Variants in RHPN2 observed in about 807,000 individuals in gnomAD.
RHPN2 encodes the protein rhophilin-2.
Under a neutral mutation model 79.0 loss-of-function variants are expected in RHPN2, and 40 were observed. The ratio of observed to expected loss-of-function variants is 0.51; its 90% confidence interval spans 0.39 to 0.66. The LOEUF (loss-of-function observed/expected upper bound fraction) is 0.66. RHPN2 is among the 30% of genes least tolerant of loss of function. RHPN2 has a pLI of 0.00. For missense variants in RHPN2, 686 were observed against 883.5 expected, an observed-to-expected ratio of 0.78 and a Z score of 2.83; for synonymous variants, 285 against 363.5, an observed-to-expected ratio of 0.78 and a Z score of 2.46.
intron 2 of RHPN2, among the ~76,000 whole-genome samples, chr19:33,032,762 A>G (rs1972023628): frequency 6.6e-6 from 1 of 152,158 alleles, no homozygotes; most frequent in African/African-American, 2.4e-5. Context: ...CCCATCCCTC[A>G]GTATCAGGAA....
rs966303893 is a variant in RHPN2, at chr19:33,011,686, A to G, written c.586T>C (p.Phe196Leu). Residue 196 changes from phenylalanine (F) to leucine (L), a missense_variant, in exon 6 of 15, where the codon TTC becomes CTC. Physicochemically the swap from Phe to Leu is conservative, Grantham distance 22 (BLOSUM62 0). Coordinates refer to ENST00000254260, the MANE Select transcript of RHPN2 (RefSeq NM_033103.5). ...CAGACCTCAAGCACCTACCAGGTGAACAGGAGTCCCATCTGCCGTGTGGGC... is the reference window on the plus strand; with the variant it reads ...CAGACCTCAAGCACCTACCAGGTGAGCAGGAGTCCCATCTGCCGTGTGGGC... ...FPPTRQMGLL[F>L]TWYDSLTGVP... The G allele has an allele frequency of 6.2e-7, 1 of 1,613,878 alleles. No individual in the cohort carries two copies. The highest frequency in any genetic ancestry group is 8.5e-7 in the Non-Finnish European group (1 of 1,179,872).
At chr19:33,045,599 G>A (rs1972136102) in intron 1 of RHPN2, among the ~76,000 whole-genome samples, 1 of 151,368 alleles carries the variant, frequency 6.6e-6, no homozygotes, top group Non-Finnish European at 1.5e-5. Context: ...TCAGCCTCCC[G>A]AGTAGCTGGA....
intron 6 of RHPN2, among the ~76,000 whole-genome samples, chr19:33,009,829 A>G (rs1469672584): frequency 6.6e-6 from 1 of 151,634 alleles, no homozygotes; most frequent in Non-Finnish European, 1.5e-5. Flanking sequence ...CCCAGGCTAG[A>G]CTGCAGTGGC....
intron 2 of RHPN2, among the ~76,000 whole-genome samples, chr19:33,035,506 C>T (rs1282824840): frequency 6.6e-6 from 1 of 152,176 alleles, no homozygotes; most frequent in Non-Finnish European, 1.5e-5. Flanking sequence ...CAGGTGGGGT[C>T]TCAGGGTTGG....
At chr19:33,028,775 A>C (rs556525640) in intron 2 of RHPN2, among the ~76,000 whole-genome samples, 33 of 152,316 alleles carry the variant, frequency 2.2e-4, no homozygotes, top group African/African-American at 7.7e-4. Flanking sequence ...AAATGCAAAA[A>C]AAACCTACAA....
At chr19:33,027,184 G>A (rs2404706) in intron 2 of RHPN2, 56,864 of 168,044 alleles carry the variant, frequency 0.34, 11,237 homozygotes, top group African/African-American at 0.55. Flanking sequence ...GGGAGATAGG[G>A]GTTGCAGTGA....
At chr19:33,054,197 GTTT>G (rs34820019) in intron 1 of RHPN2, among the ~76,000 whole-genome samples, 3 of 112,204 alleles carry the variant, frequency 2.7e-5, no homozygotes, top group Non-Finnish European at 3.5e-5. Context: ...TTTCTTCTTT[GTTT>G]TTTTTTTTTT....
rs981307628 is a variant in RHPN2, at chr19:33,059,500, G to A, written c.69+5284C>T. 4.0e-5 allele frequency among the ~76,000 whole-genome samples: 6 copies of A among 151,842 alleles called. No individual in the cohort carries two copies. In the East Asian group the frequency reaches 5.8e-4, roughly 15 times the overall value. On this transcript the variant is annotated intron_variant, in intron 1 of 14. Coordinates refer to ENST00000254260, the MANE Select transcript of RHPN2 (RefSeq NM_033103.5). Reference sequence around the variant, plus strand: ...TTTTTAGTAGAGACAGGGTTTCACCGTGTTGGCCAGGCTGCTCTCAAACTT... The same window carrying A: ...TTTTTAGTAGAGACAGGGTTTCACCATGTTGGCCAGGCTGCTCTCAAACTT...
At chr19:32,994,128 G>T (rs1477193477) in intron 11 of RHPN2, 75 bp from the exon 12 acceptor site, 1 of 1,092,872 alleles carries the variant, frequency 9.2e-7, no homozygotes, top group Non-Finnish European at 1.4e-6. Context: ...CAGTGTTGTG[G>T]CTCACGCCTG....
At chr19:33,062,153 T>A (rs1972285253) in intron 1 of RHPN2, among the ~76,000 whole-genome samples, 5 of 152,172 alleles carry the variant, frequency 3.3e-5, no homozygotes. Flanking sequence ...ATGATTCCTC[T>A]TATTTTGCAC....
chr19:33,018,824 C>A (rs1971898835), intron 4 of RHPN2, among the ~76,000 whole-genome samples: 1 of 148,966 alleles, frequency 6.7e-6, no homozygotes, highest in Non-Finnish European at 1.5e-5. Context: ...GCGGGTGGAT[C>A]GAGTTTGAGA....
intron 2 of RHPN2, among the ~76,000 whole-genome samples, chr19:33,036,594 G>A (rs1239619525): frequency 6.6e-6 from 1 of 152,174 alleles, no homozygotes; most frequent in Non-Finnish European, 1.5e-5. Flanking sequence ...TTCTGGGCTG[G>A]CCAAGGCCCG....
chr19:33,063,792 G>A (rs1457889317), intron 1 of RHPN2, among the ~76,000 whole-genome samples: 1 of 149,092 alleles, frequency 6.7e-6, no homozygotes, highest in Non-Finnish European at 1.5e-5. Flanking sequence ...AAGAACCTGC[G>A]AGGCCGGCAC....
At position 33,042,596 on chromosome 19, in the gene RHPN2, T is replaced by C. The variant is rs1432089626; in HGVS notation, c.185+1653A>G. Among the ~76,000 whole-genome samples, 3 of 152,168 alleles carry C rather than the reference T, an allele frequency of 2.0e-5. 1 individual carries two copies. The East Asian group carries it at 5.8e-4, about 29-fold the overall frequency. ...TGGAGAAGAGATTCCCAGACAAACT[T>C]CCCACCCAGGACCTCAAGTCATCAG... On this transcript the variant is annotated intron_variant, in intron 2 of 14. Transcript: ENST00000254260.
chr19:33,045,491 T>C (rs1354663686), intron 1 of RHPN2, among the ~76,000 whole-genome samples: 1 of 151,926 alleles, frequency 6.6e-6, no homozygotes, highest in Non-Finnish European at 1.5e-5. Flanking sequence ...TTTTTTTTTT[T>C]TAGATGGAGT....
chr19:32,998,826 G>C (rs1397692259), intron 10 of RHPN2, among the ~76,000 whole-genome samples: 1 of 133,266 alleles, frequency 7.5e-6, no homozygotes, highest in African/African-American at 2.8e-5. Flanking sequence ...GAGGGGAAGG[G>C]TGAGGGGAGG....
At chr19:32,997,542 TGCAGTG>T (rs1181830457) in intron 10 of RHPN2, among the ~76,000 whole-genome samples, 1 of 151,952 alleles carries the variant, frequency 6.6e-6, no homozygotes, top group Non-Finnish European at 1.5e-5. Context: ...CAGGCTGGAA[TGCAGTG>T]GCACGATCTC....
intron 1 of RHPN2, among the ~76,000 whole-genome samples, chr19:33,050,485 T>C (rs538025692): frequency 6.6e-6 from 1 of 152,272 alleles, no homozygotes; most frequent in South Asian, 2.1e-4. Context: ...ATCACTCCTA[T>C]CAAAATACAG....
intron 1 of RHPN2, among the ~76,000 whole-genome samples, chr19:33,063,938 G>A (rs565564467): frequency 6.6e-6 from 1 of 152,100 alleles, no homozygotes; most frequent in African/African-American, 2.4e-5. Context: ...ACGCCCTCCT[G>A]GACGACCCGG....
Sources: gnomAD v4.1 joint callset for allele counts (sites outside exome capture counted in the v4.1 genomes callset) on GRCh38, gnomAD v4.1.1 for gene constraint, MANE v1.5 for transcripts, NCBI Gene and HGNC (gene_info 2026-07-23, HGNC 2026-07-21) for gene names.